ASH1L: variants seen among roughly 807,000 people sequenced by gnomAD.
ASH1L encodes histone-lysine N-methyltransferase ASH1L.
ASH1L carries 23 observed loss-of-function variants against 269.0 expected under a neutral mutation model. That is an observed-to-expected ratio of 0.09 (90% CI 0.06 to 0.12). The LOEUF is 0.12. Among genes scored for constraint, ASH1L ranks in the 10% least tolerant of loss-of-function variants. ASH1L has a pLI of 1.00. For synonymous variants in ASH1L, 1,187 were observed against 1,253.5 expected (o/e 0.95, Z 1.12); for missense variants, 2,912 against 3,567.8 (o/e 0.82, Z 4.68).
Position 155,530,002 on chromosome 1 carries a change from C to T in ASH1L, c.-99-8384G>A, listed in dbSNP as rs1004769055. Among the ~76,000 whole-genome samples the T allele has an allele frequency of 2.0e-5, 3 of 151,846 alleles. No homozygotes were observed. In the South Asian group the frequency reaches 6.3e-4, roughly 32 times the overall value. The stretch of plus-strand genomic sequence containing the variant: ...AAAAATAAAAAAAAAAGAAGTTTCC[C>T]TTCTGTTTCTCAAACACAACAAAAA... On this transcript the variant is annotated intron_variant, in intron 1 of 27. Transcript: ENST00000392403.
At chr1:155,544,771 TTAAA>T (rs774187677) in intron 1 of ASH1L, among the ~76,000 whole-genome samples, 3 of 152,008 alleles carry the variant, frequency 2.0e-5, no homozygotes, top group South Asian at 2.1e-4. Flanking sequence ...TAAAATTATC[TTAAA>T]TAAGATATAC....
At chr1:155,344,312 T>G in intron 21 of ASH1L, 39 bp from the exon 22 acceptor site, 1 of 1,460,742 alleles carries the variant, frequency 6.8e-7, no homozygotes, top group Non-Finnish European at 9.6e-7. Flanking sequence ...GGGCTGGAAT[T>G]ACTACATTCA....
intron 1 of ASH1L, among the ~76,000 whole-genome samples, chr1:155,559,355 G>A (rs767841575): frequency 4.6e-4 from 70 of 151,998 alleles, no homozygotes; most frequent in African/African-American, 1.7e-3. Flanking sequence ...GACCAACATG[G>A]AGAAACGCTG....
chr1:155,376,851 T>C (rs1054575582), intron 10 of ASH1L, among the ~76,000 whole-genome samples: 2 of 147,638 alleles, frequency 1.4e-5, no homozygotes, highest in African/African-American at 5.0e-5. Flanking sequence ...CTAGACTCCA[T>C]CTCAGAAAAA....
intron 2 of ASH1L, among the ~76,000 whole-genome samples, chr1:155,492,565 T>C (rs562758205): frequency 2.0e-5 from 3 of 152,238 alleles, no homozygotes; most frequent in Non-Finnish European, 2.9e-5. Flanking sequence ...TTCATGCCCA[T>C]TGATTATTTA....
intron 21 of ASH1L, among the ~76,000 whole-genome samples, chr1:155,345,565 G>A (rs1171671834): frequency 1.4e-5 from 2 of 142,254 alleles, no homozygotes; most frequent in African/African-American, 5.2e-5. Flanking sequence ...GAGCCACCAT[G>A]CCCAGCTTTT....
In ASH1L at chr1:155,428,912, C is replaced by T. The variant is rs549403163; in HGVS notation, c.5828+9415G>A. 2.5e-3 allele frequency among the ~76,000 whole-genome samples: 374 copies of T among 152,188 alleles called. 1 individual carries two copies. Among genetic ancestry groups the T allele is most frequent in the Non-Finnish European group, 2.7e-3 (186 of 68,010 alleles). On this transcript the variant is annotated intron_variant, in intron 5 of 27. Transcript: ENST00000392403. Reference sequence around the variant, plus strand: ...TCTCAGCTCTGAAGGCTGTGAGACCCGATTTCCCACTTCACACCTCTATAT... The same window carrying T: ...TCTCAGCTCTGAAGGCTGTGAGACCTGATTTCCCACTTCACACCTCTATAT...
At position 155,411,591 on chromosome 1, in the gene ASH1L, ATATATATATAT is replaced by A. The variant is rs1558075731; in HGVS notation, c.6008+4142_6008+4152del. Among the ~76,000 whole-genome samples, 76 of 42,872 alleles carry A rather than the reference ATATATATATAT, an allele frequency of 1.8e-3. 7 individuals are homozygous for A. Among genetic ancestry groups the A allele is most frequent in the Non-Finnish European group, 3.4e-3 (57 of 16,740 alleles). The allele number at this position is 42,872 out of a possible 152,430, so 28.1% of individuals were successfully genotyped here. A position where few individuals can be genotyped will look rare whatever the true frequency, so the allele number is the denominator to read the frequency against. On this transcript the variant is annotated intron_variant, in intron 6 of 27. Coordinates refer to ENST00000392403, the MANE Select transcript of ASH1L (RefSeq NM_018489.3). ...TGAATATAAATAAATAAATAAATATATATATATATATATATATATATATATATGTTTTCATC... is the reference window on the plus strand; with the variant it reads ...TGAATATAAATAAATAAATAAATATAATATATATATATATATGTTTTCATC...
In ASH1L at chr1:155,357,664, T is replaced by C. The variant is rs1570985800; in HGVS notation, c.6881A>G (p.Asn2294Ser). The change falls in exon 14 of 28, where the codon AAC becomes AGC. Residue 2294 changes from asparagine to serine, a missense_variant. Physicochemically the swap from Asn to Ser is conservative, Grantham distance 46 (BLOSUM62 1). Transcript: ENST00000392403. ...TTTGTGTGTGGCCATGGGCTGGCTG[T>C]TTTTGCTGCTGGTGAGTCCATTCAC... The part of the protein sequence containing the change: ...QRVNGLTSSK[N>S]SQPMATHKKS... The C allele has an allele frequency of 6.2e-7, 1 of 1,614,042 alleles. No individual in the cohort carries two copies. The highest frequency in any genetic ancestry group is 1.3e-5 in the African/African-American group (1 of 74,922).
At chr1:155,528,283 T>C (rs926462094) in intron 1 of ASH1L, among the ~76,000 whole-genome samples, 1 of 152,194 alleles carries the variant, frequency 6.6e-6, no homozygotes, top group African/African-American at 2.4e-5. Context: ...CCATCCTTAA[T>C]TGCTTTTTCT....
chr1:155,453,415 T>A (rs1349043040), intron 4 of ASH1L, among the ~76,000 whole-genome samples: 1 of 152,220 alleles, frequency 6.6e-6, no homozygotes, highest in African/African-American at 2.4e-5. Context: ...TTTACCACTA[T>A]ACTCCGTCTC....
chr1:155,560,242 C>T (rs189627428), intron 1 of ASH1L, among the ~76,000 whole-genome samples: 183 of 152,180 alleles, frequency 1.2e-3, no homozygotes, highest in Non-Finnish European at 2.2e-3. Context: ...TGTGCTTATG[C>T]TCATCTTCTA....
intron 3 of ASH1L, among the ~76,000 whole-genome samples, chr1:155,470,034 C>T (rs970132659): frequency 6.6e-6 from 1 of 152,140 alleles, no homozygotes; most frequent in African/African-American, 2.4e-5. Context: ...AAGCTGATAT[C>T]TAGTGTAAGA....
Position 155,349,588 on chromosome 1 carries a change from G to A in ASH1L, c.7375C>T (p.Arg2459Trp), listed in dbSNP as rs766799007. The change falls in exon 18 of 28, where the codon CGG becomes TGG. Residue 2459 changes from arginine (R) to tryptophan (W), a missense_variant. Coordinates refer to ENST00000392403, the MANE Select transcript of ASH1L (RefSeq NM_018489.3). ...AAAAGTGGAGCTGCCAGTGCTTGCC[G>A]GGAAGAATCTGCAAAAGAATGTGAG... Reference protein sequence around the residue: ...DGIISYKDSSRQALAAPLLNL... With the variant: ...DGIISYKDSSWQALAAPLLNL... The A allele has an allele frequency of 3.0e-5, 49 of 1,613,806 alleles. No homozygotes were observed. The highest frequency in any genetic ancestry group is 4.5e-5 in the East Asian group (2 of 44,868).
intron 5 of ASH1L, among the ~76,000 whole-genome samples, chr1:155,422,173 C>T (rs756887009): frequency 6.6e-4 from 100 of 152,138 alleles, no homozygotes; most frequent in Non-Finnish European, 1.1e-3. Flanking sequence ...AGTCTCATTC[C>T]GTCAACCAGG....
At chr1:155,404,921 G>A (rs917086793) in intron 6 of ASH1L, among the ~76,000 whole-genome samples, 4 of 151,682 alleles carry the variant, frequency 2.6e-5, no homozygotes, top group African/African-American at 4.8e-5. Context: ...CCAGCTACTC[G>A]GGAGGCTGAG....
chr1:155,429,737 T>C (rs1282220180), intron 5 of ASH1L, among the ~76,000 whole-genome samples: 1 of 152,152 alleles, frequency 6.6e-6, no homozygotes, highest in Non-Finnish European at 1.5e-5. Context: ...ACCTCCTGAA[T>C]ATTTATATGG....
chr1:155,464,988 A>T (rs1336884357), intron 3 of ASH1L, among the ~76,000 whole-genome samples: 2 of 152,188 alleles, frequency 1.3e-5, no homozygotes, highest in Non-Finnish European at 2.9e-5. Flanking sequence ...ATGAGCAGAA[A>T]CCAAGAACCT....
intron 1 of ASH1L, among the ~76,000 whole-genome samples, chr1:155,523,267 G>A (rs1003088436): frequency 2.6e-5 from 4 of 152,138 alleles, no homozygotes; most frequent in Non-Finnish European, 1.5e-5. Context: ...GACTGAGGTG[G>A]GTGGACTCTT....
Sources: gnomAD v4.1 joint callset for allele counts (sites outside exome capture counted in the v4.1 genomes callset) on GRCh38, gnomAD v4.1.1 for gene constraint, MANE v1.5 for transcripts, NCBI Gene and HGNC (gene_info 2026-07-23, HGNC 2026-07-21) for gene names.